Variants in CCSER1 observed in about 807,000 individuals in gnomAD.
The protein encoded by CCSER1 is serine-rich coiled-coil domain-containing protein 1.
Under a neutral mutation model 82.0 loss-of-function variants are expected in CCSER1, and 41 were observed. The observed-to-expected ratio is 0.50, with a 90% confidence interval of 0.39 to 0.65. The LOEUF is 0.65. Among genes scored for constraint, CCSER1 ranks in the 30% least tolerant of loss-of-function variants. The pLI, the probability that CCSER1 is intolerant of heterozygous loss-of-function variation, is 0.00. For missense variants in CCSER1, 1,119 were observed against 1,064.2 expected, an observed-to-expected ratio of 1.05 and a Z score of -0.72; for synonymous variants, 414 against 383.9, an observed-to-expected ratio of 1.08 and a Z score of -0.92.
At chr4:90,388,387 G>T (rs1750418601) in intron 3 of CCSER1, among the ~76,000 whole-genome samples, 1 of 152,036 alleles carries the variant, frequency 6.6e-6, no homozygotes, top group Non-Finnish European at 1.5e-5. Flanking sequence ...TCAGCTCACT[G>T]CAACCTTTGC....
At chr4:91,419,592 A>G (rs1753580028) in intron 10 of CCSER1, among the ~76,000 whole-genome samples, 1 of 152,054 alleles carries the variant, frequency 6.6e-6, no homozygotes, top group African/African-American at 2.4e-5. Flanking sequence ...ATGCTCATGG[A>G]TTGAAAGAAT....
At chr4:90,882,711 G>C (rs1013725747) in intron 8 of CCSER1, among the ~76,000 whole-genome samples, 3 of 151,732 alleles carry the variant, frequency 2.0e-5, no homozygotes, top group African/African-American at 7.3e-5. Context: ...ACACTGAATA[G>C]CTTTTTCTAA....
chr4:90,777,354 C>CAAA (rs60638334), intron 7 of CCSER1, among the ~76,000 whole-genome samples: 1,713 of 57,496 alleles, frequency 0.03, 149 homozygotes, highest in African/African-American at 0.099. Flanking sequence ...GACTCCATCT[C>CAAA]AAAAAAAAAA....
At chr4:91,074,849 A>T (rs1721797860) in intron 9 of CCSER1, among the ~76,000 whole-genome samples, 1 of 152,208 alleles carries the variant, frequency 6.6e-6, no homozygotes, top group African/African-American at 2.4e-5. Flanking sequence ...TCTACATGTT[A>T]AGAAAAACTG....
intron 1 of CCSER1, among the ~76,000 whole-genome samples, chr4:90,243,913 A>T (rs1005863491): frequency 1.3e-5 from 2 of 152,052 alleles, no homozygotes; most frequent in Non-Finnish European, 2.9e-5. Context: ...ACATAACAAA[A>T]ATTAAGTGTG....
chr4:91,198,407 T>C (rs989610867), intron 10 of CCSER1, among the ~76,000 whole-genome samples: 1 of 152,152 alleles, frequency 6.6e-6, no homozygotes, highest in Non-Finnish European at 1.5e-5. Flanking sequence ...ATTAAAGCAG[T>C]TATTTCATCA....
intron 9 of CCSER1, among the ~76,000 whole-genome samples, chr4:90,998,754 G>T (rs990550569): frequency 6.6e-6 from 1 of 151,176 alleles, no homozygotes. Context: ...ATTAGATTAT[G>T]AGAGTACATA....
At chr4:90,263,333 C>T (rs1440772265) in intron 1 of CCSER1, among the ~76,000 whole-genome samples, 2 of 152,182 alleles carry the variant, frequency 1.3e-5, no homozygotes, top group Non-Finnish European at 2.9e-5. Context: ...GGGATGTCTG[C>T]AAAGAATCCG....
chr4:90,958,546 A>T (rs1381549248), intron 9 of CCSER1, among the ~76,000 whole-genome samples: 2 of 151,904 alleles, frequency 1.3e-5, no homozygotes, highest in Non-Finnish European at 2.9e-5. Flanking sequence ...TTTTGGGTCG[A>T]GAAGGCTGCA....
intron 9 of CCSER1, among the ~76,000 whole-genome samples, chr4:91,036,868 CA>C (rs1377825694): frequency 6.6e-6 from 1 of 151,996 alleles, no homozygotes; most frequent in Non-Finnish European, 1.5e-5. Flanking sequence ...CAGTTGAGGT[CA>C]GGAGTTCGAG....
chr4:90,196,346 G>A (rs946457230), intron 1 of CCSER1, among the ~76,000 whole-genome samples: 2 of 151,808 alleles, frequency 1.3e-5, no homozygotes, highest in African/African-American at 4.8e-5. Context: ...GATCCTTTTC[G>A]AGACTTCCAG....
chr4:90,922,732 G>A (rs550531024), intron 8 of CCSER1, among the ~76,000 whole-genome samples: 1 of 152,162 alleles, frequency 6.6e-6, no homozygotes, highest in South Asian at 2.1e-4. Flanking sequence ...CTCATTTTAA[G>A]TGACACATTT....
chr4:90,629,741 G>A (rs1055984922), intron 6 of CCSER1, among the ~76,000 whole-genome samples: 3 of 152,188 alleles, frequency 2.0e-5, no homozygotes, highest in Non-Finnish European at 4.4e-5. Context: ...GTGTTGTGCT[G>A]TAGCGGTATG....
intron 10 of CCSER1, among the ~76,000 whole-genome samples, chr4:91,459,870 T>C (rs1314894955): frequency 1.3e-5 from 2 of 152,170 alleles, no homozygotes; most frequent in Non-Finnish European, 2.9e-5. Context: ...ATTTTACACC[T>C]GAATATAATA....
rs1266803789 is a variant in CCSER1 at position 91,186,113 on chromosome 4, A to C, written c.2217+100119A>C. ...GAGCGATCGCTCGAGGCGCTGCTTGAACAGTCACTGGGGCAACTACTTTTC... is the reference window on the plus strand; with the variant it reads ...GAGCGATCGCTCGAGGCGCTGCTTGCACAGTCACTGGGGCAACTACTTTTC... On this transcript the variant is annotated intron_variant, in intron 10 of 10. Coordinates refer to ENST00000509176, the MANE Select transcript of CCSER1 (RefSeq NM_001145065.2). 2.0e-5 allele frequency among the ~76,000 whole-genome samples: 3 copies of C among 152,132 alleles called. No homozygotes were observed. The East Asian group carries it at 5.8e-4, about 29-fold the overall frequency.
At chr4:91,013,215 C>A (rs1739141834) in intron 9 of CCSER1, among the ~76,000 whole-genome samples, 1 of 133,886 alleles carries the variant, frequency 7.5e-6, no homozygotes, top group Non-Finnish European at 1.7e-5. Flanking sequence ...ATGTTTAAGT[C>A]TTTAATTCAT....
chr4:90,130,419 G>A (rs140698093), intron 1 of CCSER1, among the ~76,000 whole-genome samples: 57 of 152,290 alleles, frequency 3.7e-4, no homozygotes, highest in Admixed American at 2.3e-3. Context: ...AGACTTGCTT[G>A]ATCTTGATGT....
At chr4:90,565,382 T>C (rs1375898470) in intron 5 of CCSER1, among the ~76,000 whole-genome samples, 2 of 152,202 alleles carry the variant, frequency 1.3e-5, no homozygotes, top group Non-Finnish European at 2.9e-5. Flanking sequence ...TAATGAACTT[T>C]TTTATTATTA....
chr4:90,204,195 A>G (rs999801329), intron 1 of CCSER1, among the ~76,000 whole-genome samples: 1 of 152,162 alleles, frequency 6.6e-6, no homozygotes, highest in South Asian at 2.1e-4. Flanking sequence ...CTTTAGTTTA[A>G]TTAGATCCCA....
Sources: gnomAD v4.1 joint callset for allele counts (sites outside exome capture counted in the v4.1 genomes callset) on GRCh38, gnomAD v4.1.1 for gene constraint, MANE v1.5 for transcripts, NCBI Gene and HGNC (gene_info 2026-07-23, HGNC 2026-07-21) for gene names.